CNTNAP2: variants seen among roughly 807,000 people sequenced by gnomAD.
The protein encoded by CNTNAP2 is contactin associated protein 2, also known as contactin-associated protein-like 2.
CNTNAP2 carries 98 observed loss-of-function variants against 155.2 expected under a neutral mutation model. The observed-to-expected ratio is 0.63, with a 90% CI of 0.54 to 0.75. The LOEUF is 0.75. Ranked by LOEUF, CNTNAP2 falls within the 30% of genes least tolerant of loss-of-function variation. The pLI is 0.00. For synonymous variants in CNTNAP2, 651 were observed against 631.2 expected, an observed-to-expected ratio of 1.03 and a Z score of -0.47; for missense variants, 1,727 against 1,688.1, an observed-to-expected ratio of 1.02 and a Z score of -0.40.
At chr7:147,274,429 G>A (rs201485386) in intron 8 of CNTNAP2, among the ~76,000 whole-genome samples, 2 of 152,156 alleles carry the variant, frequency 1.3e-5, no homozygotes, top group East Asian at 3.9e-4. Flanking sequence ...TACTGATGTT[G>A]AGCACATTTT....
chr7:147,994,765 T>C (rs1335668091), intron 15 of CNTNAP2, among the ~76,000 whole-genome samples: 1 of 152,154 alleles, frequency 6.6e-6, no homozygotes, highest in East Asian at 1.9e-4. Flanking sequence ...TATGTCTTTA[T>C]CAGCCATATG....
chr7:146,612,698 A>G (rs944458464), intron 1 of CNTNAP2, among the ~76,000 whole-genome samples: 4 of 152,138 alleles, frequency 2.6e-5, no homozygotes, highest in Non-Finnish European at 5.9e-5. Flanking sequence ...GTACAGCTTA[A>G]ATTTCCCATT....
chr7:148,045,858 C>T (rs1054241308), intron 15 of CNTNAP2, among the ~76,000 whole-genome samples: 1 of 151,970 alleles, frequency 6.6e-6, no homozygotes, highest in Admixed American at 6.6e-5. Flanking sequence ...TAAGACACAT[C>T]AAAAAATGGT....
intron 3 of CNTNAP2, among the ~76,000 whole-genome samples, chr7:146,982,584 G>C (rs1239564701): frequency 6.6e-6 from 1 of 152,114 alleles, no homozygotes; most frequent in Admixed American, 6.6e-5. Context: ...GATTAAGAGG[G>C]TGAAAGATGC....
At position 148,360,529 on chromosome 7, in the gene CNTNAP2, G is replaced by T. The variant is rs572492833; in HGVS notation, c.3476-23120G>T. Among the ~76,000 whole-genome samples the T allele has an allele frequency of 2.2e-4, 33 of 152,212 alleles. No individual in the cohort carries two copies. The South Asian group carries it at 6.9e-3, about 32-fold the overall frequency. On this transcript the variant is annotated intron_variant, in intron 21 of 23. Transcript: ENST00000361727. ...TTGTAACTGTGCGATCAACTTCTTT[G>T]TAAGATTTTTAAACTCAAAAGTAAA...
At chr7:148,125,220 C>G (rs1233462219) in intron 16 of CNTNAP2, among the ~76,000 whole-genome samples, 3 of 151,896 alleles carry the variant, frequency 2.0e-5, no homozygotes, top group Admixed American at 2.0e-4. Context: ...TAATCTTAAT[C>G]TCTCTCTGTC....
chr7:147,171,201 C>A (rs1260590496), intron 8 of CNTNAP2, among the ~76,000 whole-genome samples: 1 of 152,162 alleles, frequency 6.6e-6, no homozygotes, highest in Non-Finnish European at 1.5e-5. Flanking sequence ...CATTTGAGGC[C>A]CGGAATCAGC....
intron 21 of CNTNAP2, among the ~76,000 whole-genome samples, chr7:148,306,598 A>G (rs968983415): frequency 6.6e-6 from 1 of 151,922 alleles, no homozygotes; most frequent in Non-Finnish European, 1.5e-5. Flanking sequence ...AATTTCCAAG[A>G]GCTCTATTTT....
At chr7:148,172,558 T>A in intron 18 of CNTNAP2, 80 bp downstream of exon 18, 3 of 1,222,342 alleles carry the variant, frequency 2.5e-6, no homozygotes, top group Non-Finnish European at 3.6e-6. Flanking sequence ...TTTTCATATG[T>A]AAACAAGTGT....
intron 8 of CNTNAP2, among the ~76,000 whole-genome samples, chr7:147,229,316 T>C (rs547517372): frequency 7.2e-5 from 11 of 152,290 alleles, no homozygotes; most frequent in Non-Finnish European, 1.5e-4. Context: ...TAGTCAATCT[T>C]TTAACTCAAC....
chr7:147,972,902 G>C (rs1158803729), intron 14 of CNTNAP2, among the ~76,000 whole-genome samples: 1 of 152,092 alleles, frequency 6.6e-6, no homozygotes, highest in African/African-American at 2.4e-5. Flanking sequence ...AACCAAATTG[G>C]TTGTGGAGGC....
At chr7:147,270,321 T>C (rs1335619383) in intron 8 of CNTNAP2, among the ~76,000 whole-genome samples, 1 of 152,196 alleles carries the variant, frequency 6.6e-6, no homozygotes, top group Non-Finnish European at 1.5e-5. Flanking sequence ...ACATAGTTTG[T>C]AAAAGGCTTT....
At chr7:147,737,796 G>C (rs1240797689) in intron 13 of CNTNAP2, among the ~76,000 whole-genome samples, 1 of 152,222 alleles carries the variant, frequency 6.6e-6, no homozygotes, top group Non-Finnish European at 1.5e-5. Context: ...GCGAGGCTCT[G>C]TGGGCATAGG....
At chr7:148,050,738 A>G (rs1385391340) in intron 15 of CNTNAP2, among the ~76,000 whole-genome samples, 2 of 152,166 alleles carry the variant, frequency 1.3e-5, no homozygotes, top group East Asian at 3.8e-4. Context: ...CATTCATGAT[A>G]AGTGCCCTAT....
intron 1 of CNTNAP2, among the ~76,000 whole-genome samples, chr7:146,356,193 G>C (rs10255065): frequency 0.47 from 70,887 of 151,792 alleles, 18,757 homozygotes; most frequent in African/African-American, 0.72. Context: ...CTCGCAAACC[G>C]TACATTGTTG....
chr7:148,354,721 G>T (rs918302095), intron 21 of CNTNAP2, among the ~76,000 whole-genome samples: 10 of 151,062 alleles, frequency 6.6e-5, no homozygotes, highest in Non-Finnish European at 8.8e-5. Context: ...AGTCAGAAAT[G>T]AATACATTCT....
At chr7:147,560,501 C>A (rs1800042105) in intron 11 of CNTNAP2, among the ~76,000 whole-genome samples, 1 of 152,048 alleles carries the variant, frequency 6.6e-6, no homozygotes, top group African/African-American at 2.4e-5. Flanking sequence ...CTGAATGAGA[C>A]CCTTGGGACA....
chr7:147,733,921 A>T (rs1227471011), intron 13 of CNTNAP2, among the ~76,000 whole-genome samples: 1 of 152,190 alleles, frequency 6.6e-6, no homozygotes, highest in Non-Finnish European at 1.5e-5. Flanking sequence ...TTGGGCTGAG[A>T]CGATGGGGTT....
At chr7:147,329,241 G>C (rs550820676) in intron 9 of CNTNAP2, among the ~76,000 whole-genome samples, 4 of 152,054 alleles carry the variant, frequency 2.6e-5, no homozygotes. Flanking sequence ...GTTCATTGAG[G>C]TGAAGGTGGG....
Sources: allele counts gnomAD v4.1 joint callset (sites outside exome capture counted in the v4.1 genomes callset), GRCh38; gene constraint gnomAD v4.1.1; transcripts MANE v1.5; gene names NCBI Gene and HGNC (gene_info 2026-07-23, HGNC 2026-07-21).